Variants in DOCK3 observed in about 807,000 individuals in gnomAD.
DOCK3 encodes dedicator of cytokinesis protein 3.
A neutral mutation model predicts 265.6 loss-of-function variants in DOCK3; 60 were observed. The observed-to-expected ratio is 0.23, with a 90% CI of 0.18 to 0.28. DOCK3 has a LOEUF of 0.28. Among genes scored for constraint, DOCK3 ranks in the 10% least tolerant of loss-of-function variants. The pLI is 1.00. For synonymous variants in DOCK3, 881 were observed against 938.0 expected, an observed-to-expected ratio of 0.94 and a Z score of 1.11; for missense variants, 1,981 against 2,594.3, an observed-to-expected ratio of 0.76 and a Z score of 5.14.
At chr3:51,305,778 G>T (rs1343085621) in intron 27 of DOCK3, among the ~76,000 whole-genome samples, 2 of 142,608 alleles carry the variant, frequency 1.4e-5, no homozygotes, top group Non-Finnish European at 3.0e-5. Context: ...TATAGGGCAG[G>T]TCTACAAATA....
intron 12 of DOCK3, among the ~76,000 whole-genome samples, chr3:51,162,406 T>A (rs915875934): frequency 6.6e-6 from 1 of 152,236 alleles, no homozygotes; most frequent in African/African-American, 2.4e-5. Flanking sequence ...TTTGGAATCA[T>A]AACTTACAAA....
chr3:50,678,777 G>T (rs2034168400), intron 1 of DOCK3, among the ~76,000 whole-genome samples: 1 of 150,926 alleles, frequency 6.6e-6, no homozygotes, highest in Non-Finnish European at 1.5e-5. Flanking sequence ...AAGTAGCTGG[G>T]ACTACAGGTG....
intron 5 of DOCK3, among the ~76,000 whole-genome samples, chr3:50,951,147 A>G (rs961711245): frequency 6.6e-6 from 1 of 152,198 alleles, no homozygotes; most frequent in Non-Finnish European, 1.5e-5. Flanking sequence ...TTTTGTTCTC[A>G]CAGTAACCTT....
chr3:50,790,393 T>C (rs2042406969), intron 2 of DOCK3, among the ~76,000 whole-genome samples: 1 of 152,142 alleles, frequency 6.6e-6, no homozygotes, highest in Non-Finnish European at 1.5e-5. Context: ...TTTGCTATTG[T>C]TTTACAGGTC....
At chr3:50,793,358 C>CTTTTTTT (rs568370017) in intron 2 of DOCK3, among the ~76,000 whole-genome samples, 14 of 130,756 alleles carry the variant, frequency 1.1e-4, no homozygotes, top group Middle Eastern at 4.0e-3. Flanking sequence ...TTTTCTTTTT[C>CTTTTTTT]TTTTTTTTTT....
At chr3:50,814,165 T>C (rs2043928063) in intron 2 of DOCK3, among the ~76,000 whole-genome samples, 1 of 152,222 alleles carries the variant, frequency 6.6e-6, no homozygotes, top group African/African-American at 2.4e-5. Context: ...AGTTATAAGA[T>C]AGTATATAGT....
intron 5 of DOCK3, among the ~76,000 whole-genome samples, chr3:50,997,517 T>C (rs1010580996): frequency 3.9e-5 from 6 of 152,310 alleles, no homozygotes; most frequent in Admixed American, 2.0e-4. Context: ...ATTTAACTTA[T>C]GTCTATATTA....
intron 1 of DOCK3, among the ~76,000 whole-genome samples, chr3:50,715,200 G>A (rs1489042473): frequency 6.6e-6 from 1 of 152,134 alleles, no homozygotes; most frequent in Non-Finnish European, 1.5e-5. Flanking sequence ...ACTTTGCTCG[G>A]GTGGATCAGG....
intron 50 of DOCK3, 24 bp from the exon 51 acceptor site, chr3:51,375,724 G>C (rs966184811): frequency 6.2e-7 from 1 of 1,613,704 alleles, no homozygotes; most frequent in African/African-American, 1.3e-5. Context: ...TTCACTCTCT[G>C]TAATGTTTAT....
chr3:50,810,026 T>A, intron 2 of DOCK3, among the ~76,000 whole-genome samples: 1 of 152,084 alleles, frequency 6.6e-6, no homozygotes, highest in Non-Finnish European at 1.5e-5. Flanking sequence ...TCTTAGCTAC[T>A]CAGGTGGGTA....
intron 2 of DOCK3, chr3:50,787,677 G>T: frequency 7.7e-7 from 1 of 1,301,354 alleles, no homozygotes; most frequent in Non-Finnish European, 1.1e-6. Context: ...TGGGAGTAGG[G>T]GAAGTGGTAG....
chr3:50,710,324 A>G (rs2036676568), intron 1 of DOCK3, among the ~76,000 whole-genome samples: 1 of 152,200 alleles, frequency 6.6e-6, no homozygotes, highest in Non-Finnish European at 1.5e-5. Context: ...AAGAATAAAA[A>G]CAAATAATCC....
intron 5 of DOCK3, among the ~76,000 whole-genome samples, chr3:50,996,796 A>G (rs567459896): frequency 6.6e-6 from 1 of 152,336 alleles, no homozygotes; most frequent in African/African-American, 2.4e-5. Context: ...ATACGGAATC[A>G]TTGTATCTCT....
chr3:50,907,720 G>T (rs558594925), intron 4 of DOCK3, among the ~76,000 whole-genome samples: 13 of 152,176 alleles, frequency 8.5e-5, no homozygotes, highest in Middle Eastern at 3.4e-3. Context: ...GCCAGTCTGT[G>T]CCTTTTAATT....
intron 1 of DOCK3, among the ~76,000 whole-genome samples, chr3:50,706,967 C>A (rs1214458219): frequency 6.6e-6 from 1 of 152,044 alleles, no homozygotes. Context: ...CCCCTCAGTG[C>A]TGTTTTTATG....
chr3:50,932,483 G>A (rs1025699766), intron 4 of DOCK3, among the ~76,000 whole-genome samples: 86 of 152,158 alleles, frequency 5.7e-4, no homozygotes, highest in African/African-American at 1.9e-3. Context: ...GTCATAGAAA[G>A]TTTTTATTGA....
intron 2 of DOCK3, among the ~76,000 whole-genome samples, chr3:50,805,401 G>A (rs754160426): frequency 6.6e-6 from 1 of 152,160 alleles, no homozygotes; most frequent in Non-Finnish European, 1.5e-5. Flanking sequence ...CCAACTTGGG[G>A]TATGGTCAGC....
chr3:51,308,211 C>A (rs2082812000), intron 27 of DOCK3, among the ~76,000 whole-genome samples: 1 of 150,222 alleles, frequency 6.7e-6, no homozygotes, highest in Non-Finnish European at 1.5e-5. Context: ...TGTTATTATT[C>A]ATCCATTTTT....
intron 3 of DOCK3, among the ~76,000 whole-genome samples, chr3:50,873,066 C>T (rs1194796824): frequency 6.6e-6 from 1 of 152,144 alleles, no homozygotes; most frequent in Admixed American, 6.5e-5. Context: ...CAAGAGAAAG[C>T]CTTGTTTCCT....
Sources: gnomAD v4.1 joint callset for allele counts (sites outside exome capture counted in the v4.1 genomes callset) on GRCh38, gnomAD v4.1.1 for gene constraint, MANE v1.5 for transcripts, NCBI Gene and HGNC (gene_info 2026-07-23, HGNC 2026-07-21) for gene names.